The following TOP3A variants were observed in gnomAD, a reference collection of about 807,000 sequenced individuals.
The protein encoded by TOP3A is DNA topoisomerase III alpha, also known as DNA topoisomerase 3-alpha.
A neutral mutation model predicts 111.3 loss-of-function variants in TOP3A; 64 were observed. The observed-to-expected ratio is 0.57, with a 90% CI of 0.47 to 0.71. The LOEUF is 0.71. TOP3A is among the 30% of genes least tolerant of loss of function. The probability of loss-of-function intolerance (pLI) is 0.00; values close to 1 mark genes in which losing one functional copy is unlikely to be tolerated. For synonymous variants in TOP3A, 484 were observed against 485.1 expected, an observed-to-expected ratio of 1.00 and a Z score of 0.03; for missense variants, 1,104 against 1,285.0, an observed-to-expected ratio of 0.86 and a Z score of 2.15.
intron 17 of TOP3A, among the ~76,000 whole-genome samples, chr17:18,279,889 A>G (rs1468856336): frequency 6.6e-6 from 1 of 152,062 alleles, no homozygotes; most frequent in East Asian, 1.9e-4. Flanking sequence ...AGTGGCTCAC[A>G]TCTATAATCC....
At position 18,280,671 on chromosome 17, in the gene TOP3A, T is replaced by C; in HGVS notation, c.2022-13A>G. The C allele has an allele frequency of 6.2e-7, 1 of 1,613,760 alleles. No homozygotes were observed. Among genetic ancestry groups the C allele is most frequent in the Non-Finnish European group, 8.5e-7 (1 of 1,179,756 alleles). ...GCTGAGGTAGAACCTGGGGACAAAG[T>C]GCCATGTCAGATGATAGGAGTGCAG... is the stretch of plus-strand genomic sequence containing the variant. On this transcript the variant is annotated splice_polypyrimidine_tract_variant and intron_variant, in intron 16 of 18. Coordinates refer to ENST00000321105, the MANE Select transcript of TOP3A (RefSeq NM_004618.5).
chr17:18,289,364 G>C (rs1016627670), intron 13 of TOP3A, among the ~76,000 whole-genome samples: 28 of 152,022 alleles, frequency 1.8e-4, no homozygotes, highest in African/African-American at 6.5e-4. Context: ...TTTTAAGACA[G>C]AGTTTTGCTG....
intron 17 of TOP3A, among the ~76,000 whole-genome samples, chr17:18,279,832 A>G (rs1241350030): frequency 4.6e-5 from 7 of 152,174 alleles, no homozygotes; most frequent in Non-Finnish European, 8.8e-5. Context: ...GCCTATAGGC[A>G]TATGTCACCA....
chr17:18,285,310 G>A lies in TOP3A; in HGVS notation c.1712-3C>T. 1 of 1,614,062 alleles carries A rather than the reference G, an allele frequency of 6.2e-7. No homozygotes were observed. The highest frequency in any genetic ancestry group is 8.5e-7 in the Non-Finnish European group (1 of 1,179,962). Reference sequence around the variant, plus strand: ...TTCATAGCCCATGGAATCATAACCTGCAGGGAGAGAGTCGAGCTCAGTGAG... The same window carrying A: ...TTCATAGCCCATGGAATCATAACCTACAGGGAGAGAGTCGAGCTCAGTGAG... On this transcript the variant is annotated splice_region_variant and splice_polypyrimidine_tract_variant and intron_variant, in intron 14 of 18. Transcript: ENST00000321105.
chr17:18,313,565 G>A (rs1053700261), intron 1 of TOP3A: 2 of 129,938 alleles, frequency 1.5e-5, no homozygotes, highest in African/African-American at 3.3e-5. Flanking sequence ...CAAGACCTCT[G>A]GATTGCTTAA....
At chr17:18,282,674 G>T in intron 16 of TOP3A, 24 bp downstream of exon 16, 1 of 1,612,326 alleles carries the variant, frequency 6.2e-7, no homozygotes, top group Non-Finnish European at 8.5e-7. Context: ...GAGCAGAGGT[G>T]GGGGCAGAAG....
intron 3 of TOP3A, 143 bp from the exon 4 acceptor site, chr17:18,307,109 T>C: frequency 1.7e-6 from 1 of 596,942 alleles, no homozygotes. Context: ...GCTATGACCC[T>C]CTGCATGACA....
rs150978041 is a variant in TOP3A, at chr17:18,299,414, G to A, written c.990+145C>T. On this transcript the variant is annotated intron_variant, in intron 9 of 18. Transcript: ENST00000321105. ...AAAAACAAACAGTGAGGCTAAGCAG[G>A]ACCGTGTCTTTCTCCAGTGTTTTCT... is the stretch of plus-strand genomic sequence containing the variant. The A allele has an allele frequency of 1.8e-4, 138 of 751,094 alleles. No individual in the cohort carries two copies. The African/African-American group carries it at 2.0e-3, about 11-fold the overall frequency. The allele number at this position is 751,094 out of a possible 1,614,324, so 46.5% of individuals were successfully genotyped here.
At chr17:18,289,717 C>A (rs1215593390) in intron 13 of TOP3A, among the ~76,000 whole-genome samples, 2 of 152,192 alleles carry the variant, frequency 1.3e-5, no homozygotes, top group African/African-American at 2.4e-5. Context: ...TCAAATAAAT[C>A]ATGACGGGTG....
intron 17 of TOP3A, among the ~76,000 whole-genome samples, chr17:18,279,788 G>A (rs983622939): frequency 2.0e-5 from 3 of 152,150 alleles, no homozygotes; most frequent in Admixed American, 6.6e-5. Context: ...CTAGGATCAA[G>A]CGATCCTCCT....
rs1980404764 is a variant in TOP3A at position 18,290,618 on chromosome 17, G to C, written c.1536C>G (p.Thr512=). Residue 512 remains threonine, a synonymous_variant, in exon 13 of 19, where the codon ACC becomes ACG. Transcript: ENST00000321105. ...PSTVEMVDGE[T]SPPKLLTEAD... ...CCTCGGTGAGCAGCTTGGGTGGGCT[G>C]GTCTCCCCGTCCACCATCTCCACGG... 6.2e-7 allele frequency: 1 copy of C among 1,611,464 alleles called. No individual in the cohort carries two copies. The highest frequency in any genetic ancestry group is 1.3e-5 in the African/African-American group (1 of 74,854).
Position 18,274,091 on chromosome 17 carries a change from C to T in TOP3A, c.*711G>A, listed in dbSNP as rs1207748665. 1 of 152,122 alleles carries T rather than the reference C, an allele frequency of 6.6e-6. No individual in the cohort carries two copies. The highest frequency in any genetic ancestry group is 2.4e-5 in the African/African-American group (1 of 41,378). The allele number at this position is 152,122 out of a possible 1,614,324, so 9.4% of individuals were successfully genotyped here. On this transcript the variant is annotated 3_prime_UTR_variant, in exon 19 of 19. Transcript: ENST00000321105. ...AGCCGGGTCTACAGGCGCACACCGC[C>T]ACACCTGGCTAATTTTTTGTATTTT...
chr17:18,308,611 T>C (rs781233300), intron 2 of TOP3A, 187 bp from the exon 3 acceptor site: 10 of 533,730 alleles, frequency 1.9e-5, no homozygotes, highest in Non-Finnish European at 3.3e-5. Context: ...TCTAATGATA[T>C]GGTGTATAAC....
At chr17:18,306,310 C>T (rs1462470375) in intron 4 of TOP3A, among the ~76,000 whole-genome samples, 1 of 152,148 alleles carries the variant, frequency 6.6e-6, no homozygotes, top group Non-Finnish European at 1.5e-5. Context: ...TACTTTGTAG[C>T]CTCTTTCATC....
chr17:18,290,641 C>A lies in TOP3A; in HGVS notation c.1513G>T (p.Val505Leu), dbSNP rs766158237. 4.3e-6 allele frequency: 7 copies of A among 1,610,062 alleles called. No homozygotes were observed. Among genetic ancestry groups the A allele is most frequent in the Admixed American group, 1.7e-5 (1 of 59,518 alleles). The part of the protein sequence containing the change: ...EQGSHFQPST[V>L]EMVDGETSPP... Reference sequence around the variant, plus strand: ...CTGGTCTCCCCGTCCACCATCTCCACGGTGCTGGGCTGAAAGTGGGATCCT... The same window carrying A: ...CTGGTCTCCCCGTCCACCATCTCCAAGGTGCTGGGCTGAAAGTGGGATCCT... Residue 505 changes from valine to leucine, a missense_variant, in exon 13 of 19, where the codon GTG becomes TTG. Coordinates refer to ENST00000321105, the MANE Select transcript of TOP3A (RefSeq NM_004618.5).
chr17:18,276,542 A>G (rs1979383497), intron 18 of TOP3A, among the ~76,000 whole-genome samples: 1 of 152,224 alleles, frequency 6.6e-6, no homozygotes, highest in Admixed American at 6.5e-5. Flanking sequence ...GTCTGAGACT[A>G]AACTCCTTTC....
chr17:18,300,804 C>G (rs936549956), intron 8 of TOP3A, among the ~76,000 whole-genome samples: 1 of 152,106 alleles, frequency 6.6e-6, no homozygotes, highest in Non-Finnish European at 1.5e-5. Context: ...TGTACAGTGT[C>G]ACAGAGACTC....
rs1204251980 is a variant in TOP3A, at chr17:18,278,258, C to T, written c.2244G>A (p.Leu748=). 3 of 1,565,118 alleles carry T rather than the reference C, an allele frequency of 1.9e-6. No homozygotes were observed. Among genetic ancestry groups the T allele is most frequent in the African/African-American group, 2.7e-5 (2 of 73,594 alleles). ...GGGGGCCCCCTGAAAATCTCAGGTCCAGGATCTCCCTCAGGGTGTCGTCGC... is the reference window on the plus strand; with the variant it reads ...GGGGGCCCCCTGAAAATCTCAGGTCTAGGATCTCCCTCAGGGTGTCGTCGC... The part of the protein sequence containing the change: ...GGCDDTLREI[L]DLRFSGGPPR... The change falls in exon 18 of 19, where the codon CTG becomes CTA. Residue 748 remains leucine (L), a synonymous_variant. Coordinates refer to ENST00000321105, the MANE Select transcript of TOP3A (RefSeq NM_004618.5).
Position 18,301,921 on chromosome 17 carries a change from G to A in TOP3A, c.879C>T (p.His293=), listed in dbSNP as rs777800351. ...FNWKRHRLFN[H]TACLVLYQLC... ...ACTGATAGAGAACTAGGCAAGCCGT[G>A]TGGTTAAAGAGTCGATGCCTTTTCC... Residue 293 remains histidine, a synonymous_variant, in exon 8 of 19, where the codon CAC becomes CAT. Coordinates refer to ENST00000321105, the MANE Select transcript of TOP3A (RefSeq NM_004618.5). 1.2e-6 allele frequency: 2 copies of A among 1,614,098 alleles called. No homozygotes were observed. Among genetic ancestry groups the A allele is most frequent in the African/African-American group, 1.3e-5 (1 of 74,926 alleles).
Sources: gnomAD v4.1 joint callset for allele counts (sites outside exome capture counted in the v4.1 genomes callset) on GRCh38, gnomAD v4.1.1 for gene constraint, MANE v1.5 for transcripts, NCBI Gene and HGNC (gene_info 2026-07-23, HGNC 2026-07-21) for gene names.